TRIO: variants seen among roughly 807,000 people sequenced by gnomAD.
TRIO encodes triple functional domain protein.
Under a neutral mutation model 351.9 loss-of-function variants are expected in TRIO, and 58 were observed. That is an observed-to-expected ratio of 0.16 (90% CI 0.13 to 0.21). TRIO has a LOEUF of 0.21. Ranked by LOEUF, TRIO falls within the 10% of genes least tolerant of loss-of-function variation. TRIO has a pLI of 1.00. For missense variants in TRIO, 3,201 were observed against 4,027.8 expected, an observed-to-expected ratio of 0.79 and a Z score of 5.56; for synonymous variants, 1,758 against 1,595.7, an observed-to-expected ratio of 1.10 and a Z score of -2.42.
chr5:14,424,752 G>T (rs1386998500), intron 34 of TRIO, among the ~76,000 whole-genome samples: 1 of 152,142 alleles, frequency 6.6e-6, no homozygotes, highest in Non-Finnish European at 1.5e-5. Flanking sequence ...ATCAAATGGG[G>T]CATTTTTTTC....
chr5:14,216,343 A>T (rs1018339358), intron 1 of TRIO, among the ~76,000 whole-genome samples: 6 of 152,178 alleles, frequency 3.9e-5, no homozygotes, highest in African/African-American at 1.4e-4. Context: ...TAGAATTCAC[A>T]CTTGTCCAAC....
At chr5:14,345,477 T>C (rs1742338253) in intron 11 of TRIO, among the ~76,000 whole-genome samples, 2 of 151,854 alleles carry the variant, frequency 1.3e-5, no homozygotes. Context: ...ATTAATGTAA[T>C]GTAAAAGGTG....
intron 1 of TRIO, among the ~76,000 whole-genome samples, chr5:14,223,129 G>GC (rs1234898666): frequency 6.6e-6 from 1 of 152,138 alleles, no homozygotes; most frequent in African/African-American, 2.4e-5. Flanking sequence ...TCCCAGCTCT[G>GC]CCCCAGCTTT....
At chr5:14,429,279 C>T (rs1337976105) in intron 34 of TRIO, among the ~76,000 whole-genome samples, 4 of 152,176 alleles carry the variant, frequency 2.6e-5, no homozygotes, top group African/African-American at 7.2e-5. Context: ...CAGCCAGGCG[C>T]TGATGAGAAG....
At chr5:14,223,512 G>T (rs1485913919) in intron 1 of TRIO, among the ~76,000 whole-genome samples, 1 of 152,156 alleles carries the variant, frequency 6.6e-6, no homozygotes, top group African/African-American at 2.4e-5. Context: ...GGAACAGGGC[G>T]GTGGAGCAAC....
chr5:14,262,802 G>T (rs569910491), intron 1 of TRIO, among the ~76,000 whole-genome samples: 72 of 152,160 alleles, frequency 4.7e-4, no homozygotes, highest in African/African-American at 1.7e-3. Flanking sequence ...ACTGTGGGGA[G>T]CAGGTTTGTG....
intron 9 of TRIO, among the ~76,000 whole-genome samples, chr5:14,318,706 T>C (rs1159608636): frequency 3.3e-5 from 5 of 152,156 alleles, no homozygotes; most frequent in Non-Finnish European, 7.4e-5. Context: ...AGGACAGACA[T>C]TGTGGGAATG....
intron 34 of TRIO, among the ~76,000 whole-genome samples, chr5:14,427,663 G>T (rs868550670): frequency 2.0e-5 from 3 of 152,120 alleles, no homozygotes; most frequent in African/African-American, 2.4e-5. Flanking sequence ...CCTTGTCCTG[G>T]ATTCTCACCG....
chr5:14,481,372 G>C, intron 44 of TRIO, 88 bp downstream of exon 44: 1 of 1,562,998 alleles, frequency 6.4e-7, no homozygotes, highest in Non-Finnish European at 8.8e-7. Context: ...GTCTGGCCCT[G>C]GGAGGGGGTC....
At chr5:14,451,142 C>A (rs1401795748) in intron 34 of TRIO, among the ~76,000 whole-genome samples, 1 of 152,096 alleles carries the variant, frequency 6.6e-6, no homozygotes, top group Non-Finnish European at 1.5e-5. Flanking sequence ...AAGTAATACC[C>A]CAGCTTTGTC....
intron 34 of TRIO, 101 bp from the exon 35 acceptor site, chr5:14,460,918 C>G (rs539257211): frequency 4.5e-4 from 624 of 1,379,980 alleles, no homozygotes; most frequent in Non-Finnish European, 4.4e-4. Flanking sequence ...ACGAGGCATC[C>G]AGGCCCACTG....
At chr5:14,189,119 G>A in intron 1 of TRIO, among the ~76,000 whole-genome samples, 1 of 152,082 alleles carries the variant, frequency 6.6e-6, no homozygotes, top group East Asian at 1.9e-4. Context: ...CTTTTTAATT[G>A]TATTTATTTC....
chr5:14,312,736 A>G (rs1260660449), intron 8 of TRIO, among the ~76,000 whole-genome samples: 3 of 152,250 alleles, frequency 2.0e-5, no homozygotes, highest in Non-Finnish European at 4.4e-5. Context: ...ACTACACTAC[A>G]TGCCATAAAC....
rs575503932 is a variant in TRIO, at chr5:14,275,667, G to A, written c.233-4655G>A. 2.7e-5 allele frequency among the ~76,000 whole-genome samples: 4 copies of A among 149,730 alleles called. No homozygotes were observed. The East Asian group carries it at 7.8e-4, about 29-fold the overall frequency. ...CTTCTGTTTTCATCTTCTTCTCCCCGAGATAAACAAAAATGTAATAGGCCT... is the reference window on the plus strand; with the variant it reads ...CTTCTGTTTTCATCTTCTTCTCCCCAAGATAAACAAAAATGTAATAGGCCT... On this transcript the variant is annotated intron_variant, in intron 2 of 56. Coordinates refer to ENST00000344204, the MANE Select transcript of TRIO (RefSeq NM_007118.4).
intron 1 of TRIO, among the ~76,000 whole-genome samples, chr5:14,215,254 TAA>T (rs1352947738): frequency 1.3e-5 from 2 of 152,226 alleles, no homozygotes; most frequent in Non-Finnish European, 2.9e-5. Context: ...TGATGCTAAT[TAA>T]GAGATGGTTG....
intron 1 of TRIO, among the ~76,000 whole-genome samples, chr5:14,242,987 A>T (rs1409348037): frequency 6.6e-6 from 1 of 152,204 alleles, no homozygotes; most frequent in Non-Finnish European, 1.5e-5. Context: ...GAACAGACAC[A>T]TGCAGTGGTT....
At position 14,497,093 on chromosome 5, in the gene TRIO, G is replaced by A; in HGVS notation, c.8019+76G>A. ...GATCAGGGAGGGCAGAGACTCTGCAGACCTGAAGCTGGGCTTGCTTATGAC... is the reference window on the plus strand; with the variant it reads ...GATCAGGGAGGGCAGAGACTCTGCAAACCTGAAGCTGGGCTTGCTTATGAC... On this transcript the variant is annotated intron_variant, in intron 50 of 56. Coordinates refer to ENST00000344204, the MANE Select transcript of TRIO (RefSeq NM_007118.4). This position sits in a 1 kb window ranked among gnomAD's most constrained non-coding sequence, Gnocchi z 4.4. The A allele has an allele frequency of 3.8e-6, 6 of 1,565,080 alleles. No individual in the cohort carries two copies. The South Asian group carries it at 7.1e-5, about 19-fold the overall frequency.
chr5:14,260,662 G>T (rs183637958), intron 1 of TRIO, among the ~76,000 whole-genome samples: 13 of 152,304 alleles, frequency 8.5e-5, no homozygotes, highest in Admixed American at 7.2e-4. Flanking sequence ...ATGTTTGTTT[G>T]TGGCATTTAC....
intron 34 of TRIO, among the ~76,000 whole-genome samples, chr5:14,456,616 C>T (rs1287427957): frequency 6.6e-6 from 1 of 152,218 alleles, no homozygotes; most frequent in Non-Finnish European, 1.5e-5. Context: ...TGTTCACAGC[C>T]ATCAGGACCT....
Sources: gnomAD v4.1 joint callset for allele counts (sites outside exome capture counted in the v4.1 genomes callset) on GRCh38, gnomAD v4.1.1 for gene constraint, Gnocchi (gnomAD v3.1) non-coding constraint, MANE v1.5 for transcripts, NCBI Gene and HGNC (gene_info 2026-07-23, HGNC 2026-07-21) for gene names.